Variants in APP observed in about 807,000 individuals in gnomAD.
APP encodes the protein amyloid beta precursor protein.
Under a neutral mutation model 101.4 loss-of-function variants are expected in APP, and 31 were observed. The ratio of observed to expected loss-of-function variants is 0.31; its 90% CI spans 0.23 to 0.41. APP has a LOEUF of 0.41. Ranked by LOEUF, APP falls within the 10% of genes least tolerant of loss-of-function variation. APP has a pLI of 1.00. For missense variants in APP, 839 were observed against 1,003.7 expected, an observed-to-expected ratio of 0.84 and a Z score of 2.22; for synonymous variants, 366 against 364.4, an observed-to-expected ratio of 1.00 and a Z score of -0.05.
At chr21:26,057,258 A>G (rs1398023456) in intron 3 of APP, among the ~76,000 whole-genome samples, 7 of 152,200 alleles carry the variant, frequency 4.6e-5, no homozygotes, top group African/African-American at 1.7e-4. Flanking sequence ...AGAGTTCTTA[A>G]CAGAATTCTG....
At chr21:25,989,071 A>G (rs1447657775) in intron 8 of APP, among the ~76,000 whole-genome samples, 1 of 152,168 alleles carries the variant, frequency 6.6e-6, no homozygotes, top group Non-Finnish European at 1.5e-5. Flanking sequence ...TCCTATCACA[A>G]AATGCTCCTC....
intron 13 of APP, 50 bp from the exon 14 acceptor site, chr21:25,912,012 C>G (rs760669002): frequency 7.4e-7 from 1 of 1,349,148 alleles, no homozygotes; most frequent in Non-Finnish European, 1.1e-6. Context: ...ATCACAACAG[C>G]AGCAGCAGCA....
intron 1 of APP, chr21:26,169,557 C>T (rs1160693157): frequency 6.6e-6 from 1 of 152,500 alleles, no homozygotes; most frequent in Non-Finnish European, 1.5e-5. Flanking sequence ...ACTTTACAGC[C>T]CAGCACAGAA....
At chr21:25,921,037 C>G (rs967750649) in intron 13 of APP, among the ~76,000 whole-genome samples, 1 of 146,782 alleles carries the variant, frequency 6.8e-6, no homozygotes, top group African/African-American at 2.6e-5. Context: ...TCTCTCCGAC[C>G]ACAGTGCAAT....
intron 6 of APP, among the ~76,000 whole-genome samples, chr21:26,001,350 C>A (rs1173212437): frequency 1.3e-5 from 2 of 152,162 alleles, no homozygotes; most frequent in Non-Finnish European, 2.9e-5. Context: ...AGTGAAACAA[C>A]AGCCCAATTC....
intron 2 of APP, among the ~76,000 whole-genome samples, chr21:26,107,228 G>T (rs1179418212): frequency 6.6e-5 from 10 of 152,164 alleles, no homozygotes; most frequent in Non-Finnish European, 5.9e-5. Flanking sequence ...CCATAGCAAT[G>T]CAAGTGTTCC....
At chr21:25,912,263 A>G (rs1180160920) in intron 13 of APP, among the ~76,000 whole-genome samples, 1 of 152,194 alleles carries the variant, frequency 6.6e-6, no homozygotes, top group East Asian at 1.9e-4. Context: ...GTGAAAGGCC[A>G]CAGGGGCTCA....
intron 1 of APP, among the ~76,000 whole-genome samples, chr21:26,146,825 T>C (rs974206196): frequency 3.9e-5 from 6 of 152,256 alleles, no homozygotes; most frequent in African/African-American, 1.2e-4. Flanking sequence ...TAAAAAAGTT[T>C]GCCTTTTGTT....
At chr21:25,983,557 T>C (rs971638973) in intron 8 of APP, among the ~76,000 whole-genome samples, 3 of 152,198 alleles carry the variant, frequency 2.0e-5, no homozygotes, top group Non-Finnish European at 4.4e-5. Context: ...TTCAAGAAAA[T>C]GTCTGGAATC....
At chr21:26,135,342 C>T (rs546429473) in intron 1 of APP, among the ~76,000 whole-genome samples, 1 of 152,214 alleles carries the variant, frequency 6.6e-6, no homozygotes, top group South Asian at 2.1e-4. Context: ...ACATTATATG[C>T]ACGACTTCTA....
chr21:25,885,296 T>G (rs116163905), intron 17 of APP, among the ~76,000 whole-genome samples: 2,304 of 152,336 alleles, frequency 0.015, 70 homozygotes, highest in African/African-American at 0.053. Context: ...TCCTCATGGC[T>G]AAGCTACAGC....
chr21:25,976,904 C>T (rs958992778), intron 9 of APP, among the ~76,000 whole-genome samples: 6 of 152,134 alleles, frequency 3.9e-5, no homozygotes, highest in African/African-American at 1.4e-4. Context: ...TGTTATAAAA[C>T]TCAGTTTTGC....
chr21:26,063,554 G>A (rs1445184296), intron 3 of APP, among the ~76,000 whole-genome samples: 3 of 151,874 alleles, frequency 2.0e-5, no homozygotes, highest in African/African-American at 7.2e-5. Context: ...TATGTCAAAT[G>A]AGCATAGGAA....
chr21:26,116,090 G>A (rs970713074), intron 1 of APP, among the ~76,000 whole-genome samples: 5 of 152,160 alleles, frequency 3.3e-5, no homozygotes, highest in African/African-American at 1.2e-4. Context: ...TCATAAAACT[G>A]GAGATGCTTT....
rs1031655070 is a variant in APP, at chr21:25,883,494, C to T, written c.2212-1723G>A. On this transcript the variant is annotated intron_variant, in intron 17 of 17. Transcript: ENST00000346798. ...ATCACGAGGTCGGGAGTTTGAGACACGCCTGGCCAACATAGTGAAACCCCA... is the reference window on the plus strand; with the variant it reads ...ATCACGAGGTCGGGAGTTTGAGACATGCCTGGCCAACATAGTGAAACCCCA... 6.0e-5 allele frequency among the ~76,000 whole-genome samples: 9 copies of T among 150,724 alleles called. 1 individual carries two copies. Among genetic ancestry groups the T allele is most frequent in the South Asian group, 4.2e-4 (2 of 4,732 alleles).
rs2063728284 is a variant in APP at position 26,170,682 on chromosome 21, T to C, written c.-62A>G. On this transcript the variant is annotated 5_prime_UTR_variant, in exon 1 of 18. Transcript: ENST00000346798. ...CGAGTGGGATCCGCCGCGTCCTTGC[T>C]CTGCCCGCGCCGCCACCGCCGCCGT... 2 of 1,460,960 alleles carry C rather than the reference T, an allele frequency of 1.4e-6. No individual in the cohort carries two copies. Among genetic ancestry groups the C allele is most frequent in the African/African-American group, 3.0e-5 (2 of 67,710 alleles). The allele number at this position is 1,460,960 out of a possible 1,614,324, so 90.5% of individuals were successfully genotyped here.
Position 25,982,326 on chromosome 21 carries a change from T to C in APP, c.1224+18A>G, listed in dbSNP as rs1468929173. On this transcript the variant is annotated intron_variant, in intron 9 of 17. Coordinates refer to ENST00000346798, the MANE Select transcript of APP (RefSeq NM_000484.4). ...TTCCCAATATCGTAGGGCTGAATGATGGAAGAGCCAGACTTACCTGGGACA... is the reference window on the plus strand; with the variant it reads ...TTCCCAATATCGTAGGGCTGAATGACGGAAGAGCCAGACTTACCTGGGACA... 3.1e-6 allele frequency: 5 copies of C among 1,613,470 alleles called. No individual in the cohort carries two copies. The highest frequency in any genetic ancestry group is 1.1e-5 in the South Asian group (1 of 91,040).
Position 26,120,178 on chromosome 21 carries a change from A to G in APP, c.58-8032T>C, listed in dbSNP as rs117975048. Among the ~76,000 whole-genome samples, 30 of 152,332 alleles carry G rather than the reference A, an allele frequency of 2.0e-4. No individual in the cohort carries two copies. The East Asian group carries it at 5.8e-3, about 29-fold the overall frequency. The stretch of plus-strand genomic sequence containing the variant: ...GGCTTTGCAGCATTTTTGTGGCAAA[A>G]GAAATTAACACAGTCATGTATTTGA... On this transcript the variant is annotated intron_variant, in intron 1 of 17. Coordinates refer to ENST00000346798, the MANE Select transcript of APP (RefSeq NM_000484.4).
chr21:25,905,071 G>A lies in APP; in HGVS notation c.1916C>T (p.Pro639Leu), dbSNP rs771964280. ...GTCGGCAGCAGGGCGGGCATCAACA[G>A]GCTCAACTGGGCACAGGAAGCAAGG... ...VPANTENEVEPVDARPAADRG... is the reference protein window; with the variant it reads ...VPANTENEVELVDARPAADRG... The change falls in exon 15 of 18, where the codon CCT becomes CTT. Residue 639 changes from proline (P) to leucine (L), a missense_variant. Physicochemically the swap from Pro to Leu is moderately conservative, Grantham distance 98 (BLOSUM62 -3). Transcript: ENST00000346798. The A allele has an allele frequency of 6.2e-7, 1 of 1,613,878 alleles. No homozygotes were observed. Among genetic ancestry groups the A allele is most frequent in the Non-Finnish European group, 8.5e-7 (1 of 1,179,888 alleles).
Sources: gnomAD v4.1 joint callset for allele counts (sites outside exome capture counted in the v4.1 genomes callset) on GRCh38, gnomAD v4.1.1 for gene constraint, MANE v1.5 for transcripts, NCBI Gene and HGNC (gene_info 2026-07-23, HGNC 2026-07-21) for gene names.